LARP1: variants seen among roughly 807,000 people sequenced by gnomAD.
The protein encoded by LARP1 is la-related protein 1.
A neutral mutation model predicts 122.7 loss-of-function variants in LARP1; 36 were observed. The ratio of observed to expected loss-of-function variants is 0.29; its 90% confidence interval spans 0.22 to 0.39. LARP1 has a LOEUF of 0.39. Among genes scored for constraint, LARP1 ranks in the 10% least tolerant of loss-of-function variants. LARP1 has a pLI of 1.00. For missense variants in LARP1, 1,040 were observed against 1,403.6 expected, an observed-to-expected ratio of 0.74 and a Z score of 4.14; for synonymous variants, 539 against 528.7, an observed-to-expected ratio of 1.02 and a Z score of -0.27.
intron 1 of LARP1, among the ~76,000 whole-genome samples, chr5:154,700,166 T>A (rs1422746327): frequency 2.6e-5 from 4 of 152,158 alleles, no homozygotes; most frequent in Admixed American, 6.6e-5. Context: ...AATATTTTAA[T>A]ACAATATTTT....
At chr5:154,731,438 A>G (rs888496394) in intron 1 of LARP1, among the ~76,000 whole-genome samples, 1 of 152,208 alleles carries the variant, frequency 6.6e-6, no homozygotes, top group Non-Finnish European at 1.5e-5. Flanking sequence ...GTAGCCAGCC[A>G]ATGCCTTCCT....
At chr5:154,780,636 A>G (rs1756349070) in intron 1 of LARP1, among the ~76,000 whole-genome samples, 1 of 152,180 alleles carries the variant, frequency 6.6e-6, no homozygotes, top group Non-Finnish European at 1.5e-5. Context: ...TGAGATTCTC[A>G]AGTCTTTCCA....
intron 1 of LARP1, among the ~76,000 whole-genome samples, chr5:154,742,203 C>T (rs1254321227): frequency 6.6e-6 from 1 of 152,090 alleles, no homozygotes; most frequent in Non-Finnish European, 1.5e-5. Context: ...ATCAAGATTG[C>T]TAGAATTGGG....
rs149588395 is a variant in LARP1 at position 154,794,979 on chromosome 5, A to G, written c.1233-196A>G. Among the ~76,000 whole-genome samples the G allele has an allele frequency of 1.8e-3, 281 of 152,294 alleles. 1 individual carries two copies. Among genetic ancestry groups the G allele is most frequent in the African/African-American group, 6.4e-3 (265 of 41,566 alleles). ...GGCTTAGGGCAGAGGGAGTGATTTG[A>G]CCCAAGCAAGGTAGGGTGTCATGAA... On this transcript the variant is annotated intron_variant, in intron 7 of 18. Transcript: ENST00000518297.
chr5:154,701,397 C>G (rs1471042307), intron 1 of LARP1, among the ~76,000 whole-genome samples: 1 of 152,210 alleles, frequency 6.6e-6, no homozygotes, highest in South Asian at 2.1e-4. Flanking sequence ...GCTGACCCAG[C>G]GAAAGTCTCC....
intron 1 of LARP1, among the ~76,000 whole-genome samples, chr5:154,760,296 G>A (rs990945354): frequency 2.0e-5 from 3 of 152,154 alleles, no homozygotes; most frequent in East Asian, 1.9e-4. Flanking sequence ...ACCGGCAAAC[G>A]CTTTGCTTTC....
At chr5:154,769,405 A>T (rs1755218703) in intron 1 of LARP1, among the ~76,000 whole-genome samples, 1 of 152,378 alleles carries the variant, frequency 6.6e-6, no homozygotes, top group South Asian at 2.1e-4. Context: ...GAGAAAGGAC[A>T]GCAGACTGCC....
At chr5:154,797,964 G>T (rs1443672789) in intron 8 of LARP1, among the ~76,000 whole-genome samples, 3 of 152,190 alleles carry the variant, frequency 2.0e-5, no homozygotes, top group Admixed American at 6.5e-5. Flanking sequence ...GATTACAGGC[G>T]TGAGCCATTG....
At chr5:154,712,363 G>A (rs1755260256), upstream of LARP1, among the ~76,000 whole-genome samples, 1 of 152,176 alleles carries the variant, frequency 6.6e-6, no homozygotes, top group African/African-American at 2.4e-5. Context: ...GAACCGTATG[G>A]GAAGTCAAAA....
At chr5:154,772,133 GTA>G (rs1250529432) in intron 1 of LARP1, among the ~76,000 whole-genome samples, 1 of 152,230 alleles carries the variant, frequency 6.6e-6, no homozygotes, top group Non-Finnish European at 1.5e-5. Flanking sequence ...ATGAGATTGT[GTA>G]TCTTTCTAGA....
At chr5:154,767,671 G>A (rs78682466) in intron 1 of LARP1, among the ~76,000 whole-genome samples, 223 of 152,290 alleles carry the variant, frequency 1.5e-3, no homozygotes, top group African/African-American at 5.2e-3. Flanking sequence ...CTCTTTCATG[G>A]CTTTCTGCAG....
intron 15 of LARP1, among the ~76,000 whole-genome samples, chr5:154,806,582 C>A (rs1199026411): frequency 6.6e-6 from 1 of 152,278 alleles, no homozygotes; most frequent in East Asian, 1.9e-4. Flanking sequence ...TTTGCTGATC[C>A]CCTCTCTAGA....
intron 1 of LARP1, among the ~76,000 whole-genome samples, chr5:154,733,028 A>G (rs994132006): frequency 6.6e-6 from 1 of 152,142 alleles, no homozygotes; most frequent in Non-Finnish European, 1.5e-5. Context: ...TGAGTGTCTC[A>G]TAAAATCCCA....
intron 1 of LARP1, among the ~76,000 whole-genome samples, chr5:154,763,078 T>C (rs1322948347): frequency 6.6e-6 from 1 of 151,762 alleles, no homozygotes; most frequent in Admixed American, 6.6e-5. Flanking sequence ...TTTTTCTTTT[T>C]TTGAGAAAGA....
rs73292534 is a variant in LARP1, at chr5:154,686,408, T to C, written c.-180+3371T>C. On this transcript the variant is annotated intron_variant, in intron 1 of 18. Coordinates refer to the LARP1 transcript ENST00000687700. ...GCATTGGGAATAGCAAAAGCAAAGG[T>C]GCAGAGGGAAAAAAGTTCAATGTGT... is the stretch of plus-strand genomic sequence containing the variant. 2.2e-3 allele frequency among the ~76,000 whole-genome samples: 331 copies of C among 152,216 alleles called. 2 individuals carry two copies. Among genetic ancestry groups the C allele is most frequent in the African/African-American group, 7.1e-3 (295 of 41,540 alleles).
chr5:154,726,461 T>A (rs1036364807), intron 1 of LARP1, among the ~76,000 whole-genome samples: 1 of 152,164 alleles, frequency 6.6e-6, no homozygotes, highest in African/African-American at 2.4e-5. Context: ...AATAGGCCCA[T>A]AGGAGATCCA....
intron 16 of LARP1, among the ~76,000 whole-genome samples, chr5:154,809,703 T>C (rs997312556): frequency 6.8e-6 from 1 of 148,070 alleles, no homozygotes; most frequent in African/African-American, 2.5e-5. Context: ...CTATTTCTTT[T>C]TTTTTTTTTT....
At chr5:154,738,845 C>T (rs978055329) in intron 1 of LARP1, among the ~76,000 whole-genome samples, 1 of 151,934 alleles carries the variant, frequency 6.6e-6, no homozygotes, top group Admixed American at 6.6e-5. Context: ...TTTCTTGAGC[C>T]CAGGAGGTCA....
At chr5:154,786,506 G>C in intron 1 of LARP1, 1 of 455,868 alleles carries the variant, frequency 2.2e-6, no homozygotes. Context: ...TGCCTTAGTT[G>C]AGGAAGAAGA....
Sources: allele counts gnomAD v4.1 joint callset (sites outside exome capture counted in the v4.1 genomes callset), GRCh38; gene constraint gnomAD v4.1.1; transcripts MANE v1.5; gene names NCBI Gene and HGNC (gene_info 2026-07-23, HGNC 2026-07-21).